SLC28A3: variants seen among roughly 807,000 people sequenced by gnomAD.
SLC28A3 encodes solute carrier family 28 member 3.
In SLC28A3, 68 loss-of-function variants were observed where a neutral mutation model predicts 84.2. The observed-to-expected ratio is 0.81, with a 90% CI of 0.66 to 0.99. The LOEUF is 0.99. Among genes scored for constraint, SLC28A3 ranks in the 50% least tolerant of loss-of-function variants. SLC28A3 has a pLI of 0.00. For synonymous variants in SLC28A3, 267 were observed against 303.6 expected, an observed-to-expected ratio of 0.88 and a Z score of 1.25; for missense variants, 712 against 841.5, an observed-to-expected ratio of 0.85 and a Z score of 1.90.
chr9:84,309,540 A>AAAAAAAAAAAAAAC (rs1825915163), intron 3 of SLC28A3, 89 bp downstream of exon 3: 1 of 800,688 alleles, frequency 1.2e-6, no homozygotes, highest in African/African-American at 1.9e-5. Flanking sequence ...AAAAAAAAAA[A>AAAAAAAAAAAAAAC]AAAAAAAAGA....
At chr9:84,359,952 A>G in the SLC28A3 span, among the ~76,000 whole-genome samples, 1 of 151,150 alleles carries the variant, frequency 6.6e-6, no homozygotes, top group African/African-American at 2.4e-5. Flanking sequence ...CAATGAGCCA[A>G]TATGGCACCA....
the SLC28A3 span, among the ~76,000 whole-genome samples, chr9:84,364,604 A>C: frequency 6.6e-6 from 1 of 152,158 alleles, no homozygotes; most frequent in African/African-American, 2.4e-5. Context: ...ATCAAATAGT[A>C]GGTCTTTTTA....
Position 84,288,131 on chromosome 9 carries a change from C to A in SLC28A3, c.1197G>T (p.Ala399=), listed in dbSNP as rs138158857. ...LLTASVMSAP[A]SLAAAKLFWP... The stretch of plus-strand genomic sequence containing the variant: ...AAAAGAGTTTAGCAGCAGCCAATGA[C>A]GCAGGTGCTGACATAACTGACGCTG... The change falls in exon 12 of 18, where the codon GCG becomes GCT. Residue 399 remains alanine (A), a synonymous_variant. Coordinates refer to ENST00000376238, the MANE Select transcript of SLC28A3 (RefSeq NM_001199633.2). 6.2e-7 allele frequency: 1 copy of A among 1,613,960 alleles called. No individual in the cohort carries two copies. Among genetic ancestry groups the A allele is most frequent in the Non-Finnish European group, 8.5e-7 (1 of 1,179,988 alleles).
rs7853499 is a variant in SLC28A3, at chr9:84,315,908, G to A, written c.61-2454C>T. Among the ~76,000 whole-genome samples, 1,432 of 152,318 alleles carry A rather than the reference G, an allele frequency of 9.4e-3. 27 individuals carry two copies. Among genetic ancestry groups the A allele is most frequent in the African/African-American group, 0.033 (1,383 of 41,556 alleles). ...CTTAACGCCCTACAACCACGACTGCGTTCTCATGGTAAAATCTATCCCTCT... is the reference window on the plus strand; with the variant it reads ...CTTAACGCCCTACAACCACGACTGCATTCTCATGGTAAAATCTATCCCTCT... On this transcript the variant is annotated intron_variant, in intron 1 of 17. Coordinates refer to ENST00000376238, the MANE Select transcript of SLC28A3 (RefSeq NM_001199633.2).
At chr9:84,333,049 C>T (rs1826847104) in intron 1 of SLC28A3, among the ~76,000 whole-genome samples, 1 of 152,120 alleles carries the variant, frequency 6.6e-6, no homozygotes, top group African/African-American at 2.4e-5. Context: ...AGGTCTATCC[C>T]TTTCTCCAGA....
rs553945392 is a variant in SLC28A3, at chr9:84,309,759, G to A, written c.157-45C>T. The A allele has an allele frequency of 2.6e-5, 40 of 1,527,434 alleles. 1 individual carries two copies. The South Asian group carries it at 3.1e-4, about 12-fold the overall frequency. 94.6% of individuals were successfully genotyped at this position (1,527,434 alleles called of 1,614,324 possible). On this transcript the variant is annotated intron_variant, in intron 2 of 17. Transcript: ENST00000376238. ...GCAGAGATGGAATAATGAGCATCCTGGGCATAATGGACCCTGGTTTCATTG... is the reference window on the plus strand; with the variant it reads ...GCAGAGATGGAATAATGAGCATCCTAGGCATAATGGACCCTGGTTTCATTG...
chr9:84,280,202 G>T, intron 15 of SLC28A3, 129 bp from the exon 16 acceptor site: 4 of 696,798 alleles, frequency 5.7e-6, no homozygotes, highest in Non-Finnish European at 9.3e-6. Context: ...TAACTTAGCT[G>T]GGAAATTCAA....
intron 8 of SLC28A3, among the ~76,000 whole-genome samples, chr9:84,296,907 C>T (rs1825435505): frequency 6.6e-6 from 1 of 152,196 alleles, no homozygotes; most frequent in South Asian, 2.1e-4. Flanking sequence ...TCCCTGAAGG[C>T]CGAAGGTGCT....
intron 1 of SLC28A3, among the ~76,000 whole-genome samples, chr9:84,329,927 G>A (rs1826713890): frequency 6.6e-6 from 1 of 152,008 alleles, no homozygotes; most frequent in South Asian, 2.1e-4. Flanking sequence ...TATCGCTAAA[G>A]CAGTGCTTAC....
chr9:84,294,370 G>T, intron 8 of SLC28A3, 95 bp from the exon 9 acceptor site: 1 of 1,145,488 alleles, frequency 8.7e-7, no homozygotes, highest in Non-Finnish European at 1.3e-6. Context: ...TTCTCCCTCT[G>T]AAACATCATA....
At chr9:84,297,694 C>T (rs1825468927) in intron 7 of SLC28A3, among the ~76,000 whole-genome samples, 2 of 152,134 alleles carry the variant, frequency 1.3e-5, no homozygotes, top group Admixed American at 6.5e-5. Context: ...GATTAGGGAA[C>T]GATGACATAG....
At chr9:84,299,754 A>G in intron 5 of SLC28A3, 29 bp from the exon 6 acceptor site, 1 of 1,556,032 alleles carries the variant, frequency 6.4e-7, no homozygotes, top group Non-Finnish European at 8.6e-7. Context: ...AGGCATTGGC[A>G]TCATTTGTTG....
chr9:84,278,203 G>A lies in SLC28A3; in HGVS notation c.*15C>T, dbSNP rs746222510. On this transcript the variant is annotated 3_prime_UTR_variant, in exon 18 of 18. Transcript: ENST00000376238. The stretch of plus-strand genomic sequence containing the variant: ...GCATCTGTACTTCAGAGTTCCACTG[G>A]AGAAGTGGCTGACCTCAAAATGTAT... 6.2e-7 allele frequency: 1 copy of A among 1,612,072 alleles called. No individual in the cohort carries two copies. The highest frequency in any genetic ancestry group is 2.2e-5 in the East Asian group (1 of 44,852).
chr9:84,362,492 TGTG>T, the SLC28A3 span, among the ~76,000 whole-genome samples: 1 of 151,708 alleles, frequency 6.6e-6, no homozygotes, highest in African/African-American at 2.4e-5. Context: ...ATTAGCCAGG[TGTG>T]GTGGTGCATG....
At chr9:84,321,560 C>T (rs909815562) in intron 1 of SLC28A3, among the ~76,000 whole-genome samples, 1 of 149,674 alleles carries the variant, frequency 6.7e-6, no homozygotes, top group African/African-American at 2.5e-5. Context: ...GGTGAAACCC[C>T]GTCTCTACTA....
chr9:84,290,261 C>A lies in SLC28A3; in HGVS notation c.1042G>T (p.Val348Phe). Residue 348 changes from valine to phenylalanine, a missense_variant, in exon 11 of 18, where the codon GTC (valine) becomes TTC (phenylalanine). Physicochemically the swap from Val to Phe is conservative, Grantham distance 50 (BLOSUM62 -1). Transcript: ENST00000376238. ...GTGATGTAAGGTAAATATGGTCGGA[C>A]CAGCAGTGGAGACTCCGTCTGGAGA... ...FVGQTESPLL[V>F]RPYLPYITKS... 6.2e-7 allele frequency: 1 copy of A among 1,613,926 alleles called. No individual in the cohort carries two copies. Among genetic ancestry groups the A allele is most frequent in the African/African-American group, 1.3e-5 (1 of 74,972 alleles).
chr9:84,344,813 C>T (rs1827223998), upstream of SLC28A3, among the ~76,000 whole-genome samples: 1 of 152,166 alleles, frequency 6.6e-6, no homozygotes, highest in African/African-American at 2.4e-5. Flanking sequence ...CCTCCCCTTG[C>T]TTTGAGTTGT....
intron 1 of SLC28A3, among the ~76,000 whole-genome samples, chr9:84,340,062 G>A (rs144646825): frequency 2.3e-3 from 352 of 152,210 alleles, no homozygotes; most frequent in Admixed American, 6.1e-3. Context: ...ATGTCTCTGC[G>A]GGCACCCAGC....
intron 1 of SLC28A3, among the ~76,000 whole-genome samples, chr9:84,319,316 T>A (rs933740652): frequency 6.6e-6 from 1 of 152,198 alleles, no homozygotes; most frequent in African/African-American, 2.4e-5. Flanking sequence ...AATGCATTGA[T>A]GTATATTTTT....
Sources: gnomAD v4.1 joint callset for allele counts (sites outside exome capture counted in the v4.1 genomes callset) on GRCh38, gnomAD v4.1.1 for gene constraint, MANE v1.5 for transcripts, NCBI Gene and HGNC (gene_info 2026-07-23, HGNC 2026-07-21) for gene names.